Variants in PML observed in about 807,000 individuals in gnomAD.
PML encodes the protein protein PML.
Under a neutral mutation model 65.2 loss-of-function variants are expected in PML, and 28 were observed. That is an observed-to-expected ratio of 0.43 (90% CI 0.32 to 0.59). The LOEUF is 0.59. Among genes scored for constraint, PML ranks in the 20% least tolerant of loss-of-function variants. PML has a pLI of 0.08. For missense variants in PML, 1,021 were observed against 1,203.4 expected (o/e 0.85, Z 2.24); for synonymous variants, 500 against 508.8 (o/e 0.98, Z 0.23).
chr15:74,035,487 C>T lies in PML; in HGVS notation c.1710+957C>T. The T allele has an allele frequency of 6.2e-7, 1 of 1,612,478 alleles. No homozygotes were observed. Among genetic ancestry groups the T allele is most frequent in the Non-Finnish European group, 8.5e-7 (1 of 1,179,960 alleles). ...CCTTCGCCATGCCCTCCGCTTGCAC[C>T]CTCAATTGCATCGGGCCCCTATTCG... On this transcript the variant is annotated intron_variant, in intron 7 of 8. Transcript: ENST00000268058. This position sits in a 1 kb window ranked among gnomAD's most constrained non-coding sequence, Gnocchi z 4.1.
intron 4 of PML, chr15:74,028,495 C>T (rs573481286): frequency 6.6e-6 from 1 of 151,218 alleles, no homozygotes; most frequent in African/African-American, 2.4e-5. Flanking sequence ...ATATAAAATA[C>T]ATCATCTTAA....
At chr15:74,007,106 A>T (rs1477586782) in intron 2 of PML, among the ~76,000 whole-genome samples, 1 of 152,184 alleles carries the variant, frequency 6.6e-6, no homozygotes, top group East Asian at 1.9e-4. Context: ...CCAGCTTTCC[A>T]TCTTCGTGGC....
chr15:73,996,756 G>A (rs1419223767), intron 1 of PML, among the ~76,000 whole-genome samples: 2 of 152,196 alleles, frequency 1.3e-5, no homozygotes. Flanking sequence ...TTGAAGTGGT[G>A]TGTCCTGAGC....
At chr15:74,026,850 CTA>C (rs1199704483) in intron 4 of PML, 1 of 152,040 alleles carries the variant, frequency 6.6e-6, no homozygotes, top group Non-Finnish European at 1.5e-5. Context: ...TGGGGTTTTG[CTA>C]TGTTAGCCAG....
chr15:74,023,771 T>G (rs2070953026), intron 3 of PML, among the ~76,000 whole-genome samples: 1 of 152,084 alleles, frequency 6.6e-6, no homozygotes, highest in Non-Finnish European at 1.5e-5. Flanking sequence ...GCCACCGGTG[T>G]CTCGGAACAG....
At position 74,016,610 on chromosome 15, in the gene PML, G is replaced by A. The variant is rs2070588736; in HGVS notation, c.603-6218G>A. Among the ~76,000 whole-genome samples the A allele has an allele frequency of 2.0e-5, 3 of 152,136 alleles. No individual in the cohort carries two copies. The South Asian group carries it at 6.2e-4, about 32-fold the overall frequency. On this transcript the variant is annotated intron_variant, in intron 2 of 8. Transcript: ENST00000268058. The stretch of plus-strand genomic sequence containing the variant: ...TAGGAAAATCTAAATAGGTGAAAAG[G>A]AGGGATGAGAGAAAGAGGAAACTAC...
At chr15:73,998,554 C>G (rs1169737627) in intron 2 of PML, 78 bp downstream of exon 2, 2 of 1,272,124 alleles carry the variant, frequency 1.6e-6, no homozygotes, top group Non-Finnish European at 2.2e-6. Flanking sequence ...TCCAAAGAGT[C>G]ACACAGCTGA....
intron 2 of PML, among the ~76,000 whole-genome samples, chr15:74,010,251 T>C (rs1013576755): frequency 1.4e-5 from 2 of 142,866 alleles, no homozygotes; most frequent in African/African-American, 2.6e-5. Flanking sequence ...TAGGCTGGTC[T>C]CAAACTACTG....
intron 1 of PML, among the ~76,000 whole-genome samples, chr15:73,995,305 TA>T (rs1000956473): frequency 2.6e-5 from 4 of 152,228 alleles, no homozygotes; most frequent in African/African-American, 9.6e-5. Context: ...ATGGAGGTAG[TA>T]CCCCTGTTGC....
intron 4 of PML, among the ~76,000 whole-genome samples, chr15:74,030,397 C>A (rs1161405260): frequency 1.3e-5 from 2 of 152,252 alleles, no homozygotes; most frequent in East Asian, 3.9e-4. Flanking sequence ...GCCTGTAATC[C>A]CAGCACTTTG....
At position 74,046,163 on chromosome 15, in the gene PML, G is replaced by C. The variant is rs2071768937; in HGVS notation, c.*1155G>C. On this transcript the variant is annotated 3_prime_UTR_variant, in exon 9 of 9. Transcript: ENST00000268058. Reference sequence around the variant, plus strand: ...TGGCTGTGCCATCCTGCATTTTTAGGAATGGAAAGCAGGCCTCTGAGGCAG... The same window carrying C: ...TGGCTGTGCCATCCTGCATTTTTAGCAATGGAAAGCAGGCCTCTGAGGCAG... 1 of 232,984 alleles carries C rather than the reference G, an allele frequency of 4.3e-6. No individual in the cohort carries two copies. The highest frequency in any genetic ancestry group is 1.8e-4 in the South Asian group (1 of 5,530). The allele number at this position is 232,984 out of a possible 1,614,324, so 14.4% of individuals were successfully genotyped here. A position where few individuals can be genotyped will look rare whatever the true frequency, so the allele number is the denominator to read the frequency against.
At position 74,045,034 on chromosome 15, in the gene PML, C is replaced by T; in HGVS notation, c.*26C>T. 6.4e-7 allele frequency: 1 copy of T among 1,567,094 alleles called. No homozygotes were observed. On this transcript the variant is annotated 3_prime_UTR_variant, in exon 9 of 9. Transcript: ENST00000268058. ...GAGGAGGGGGTGACCAGCTTGGAGT[C>T]TCTGGTGGGCAGAGAGGGATGGGGT...
chr15:74,024,841 T>TCTGC lies in PML; in HGVS notation c.1184-14_1184-13insGCCT. 6.2e-7 allele frequency: 1 copy of TCTGC among 1,606,256 alleles called. No homozygotes were observed. The highest frequency in any genetic ancestry group is 8.5e-7 in the Non-Finnish European group (1 of 1,172,884). On this transcript the variant is annotated splice_polypyrimidine_tract_variant and intron_variant, in intron 3 of 8. Coordinates refer to ENST00000268058, the MANE Select transcript of PML (RefSeq NM_033238.3). The stretch of plus-strand genomic sequence containing the variant: ...CATGTCCTTGACCTGCCTGTGACCT[T>TCTGC]CTTTGTGTTCTACAGATGCAGCTGT...
Position 74,042,345 on chromosome 15 carries a change from AG to A in PML, c.1711-643del, listed in dbSNP as rs1423209074. ...CCTAGATGTGGCCTTCAGGAGGCCA[AG>A]CAGTCCTTCCCCTCGCCTTTGTGTA... is the stretch of plus-strand genomic sequence containing the variant. On this transcript the variant is annotated intron_variant, in intron 7 of 8. Coordinates refer to ENST00000268058, the MANE Select transcript of PML (RefSeq NM_033238.3). The surrounding 1 kb of genome is among the most constrained non-coding windows in gnomAD (Gnocchi z 5.3). 2.3e-5 allele frequency: 23 copies of A among 985,424 alleles called. No individual in the cohort carries two copies. The highest frequency in any genetic ancestry group is 2.8e-5 in the Non-Finnish European group (23 of 829,884). The allele number at this position is 985,424 out of a possible 1,614,324, so 61.0% of individuals were successfully genotyped here. A position where few individuals can be genotyped will look rare whatever the true frequency, so the allele number is the denominator to read the frequency against.
chr15:74,029,882 C>G (rs2071240603), intron 4 of PML, among the ~76,000 whole-genome samples: 1 of 152,178 alleles, frequency 6.6e-6, no homozygotes. Flanking sequence ...TCTCTCCTTC[C>G]CAAGACAGGC....
At chr15:74,036,247 T>C (rs951166204) in intron 7 of PML, 29 of 1,506,798 alleles carry the variant, frequency 1.9e-5, no homozygotes, top group African/African-American at 2.8e-5. Context: ...TCTGAGTCCC[T>C]GGCCAATAGC....
rs151218142 is a variant in PML at position 74,023,209 on chromosome 15, G to C, written c.984G>C (p.Thr328=). Residue 328 remains threonine (T), a synonymous_variant, in exon 3 of 9, where the codon ACG becomes ACC. Transcript: ENST00000268058. ...ATGCTGTGCTGCAGCGCATCCGCACGGGCAGCGCGCTGGTGCAGAGGATGA... is the reference window on the plus strand; with the variant it reads ...ATGCTGTGCTGCAGCGCATCCGCACCGGCAGCGCGCTGGTGCAGAGGATGA... ...RLDAVLQRIR[T]GSALVQRMKC... 188 of 1,608,988 alleles carry C rather than the reference G, an allele frequency of 1.2e-4. No individual in the cohort carries two copies. The African/African-American group carries it at 2.3e-3, about 19-fold the overall frequency.
intron 2 of PML, among the ~76,000 whole-genome samples, chr15:74,022,490 G>A (rs936263880): frequency 1.9e-4 from 29 of 152,198 alleles, no homozygotes; most frequent in African/African-American, 6.8e-4. Flanking sequence ...TCAGTGGAGA[G>A]ATGTGTGGAA....
chr15:73,997,870 GT>G, intron 1 of PML, 133 bp from the exon 2 acceptor site: 4 of 778,838 alleles, frequency 5.1e-6, no homozygotes, highest in Non-Finnish European at 6.7e-6. Context: ...ATAAGCCAGG[GT>G]TTTGCATCAT....
Sources: gnomAD v4.1 joint callset for allele counts (sites outside exome capture counted in the v4.1 genomes callset) on GRCh38, gnomAD v4.1.1 for gene constraint, Gnocchi (gnomAD v3.1) non-coding constraint, MANE v1.5 for transcripts, NCBI Gene and HGNC (gene_info 2026-07-23, HGNC 2026-07-21) for gene names.